SLC9B2: variants seen among roughly 807,000 people sequenced by gnomAD.
The protein encoded by SLC9B2 is sodium/hydrogen exchanger 9B2.
A neutral mutation model predicts 52.2 loss-of-function variants in SLC9B2; 39 were observed. The observed-to-expected ratio is 0.75, with a 90% CI of 0.58 to 0.98. The LOEUF is 0.98. SLC9B2 is among the 50% of genes least tolerant of loss of function. The pLI is 0.00. For missense variants in SLC9B2, 626 were observed against 637.5 expected (o/e 0.98, Z 0.19); for synonymous variants, 214 against 227.0 (o/e 0.94, Z 0.51).
intron 3 of SLC9B2, among the ~76,000 whole-genome samples, chr4:103,062,146 C>A (rs780361150): frequency 6.6e-6 from 1 of 152,174 alleles, no homozygotes; most frequent in African/African-American, 2.4e-5. Flanking sequence ...TTCGGCTGGG[C>A]GCAGTGGCTC....
rs1209286331 is a variant in SLC9B2, at chr4:103,022,445, C to G, written c.*3925G>C. Among the ~76,000 whole-genome samples the G allele has an allele frequency of 6.6e-6, 1 of 152,066 alleles. No homozygotes were observed. The highest frequency in any genetic ancestry group is 1.9e-4 in the East Asian group (1 of 5,196). On this transcript the variant is annotated 3_prime_UTR_variant, in exon 12 of 12. Transcript: ENST00000394785. ...ATATATCTTTCTGAAAATAATACAT[C>G]CCCCAAAACTGCAGTACAATTTTAA... is the stretch of plus-strand genomic sequence containing the variant.
intron 3 of SLC9B2, 87 bp from the exon 4 acceptor site, chr4:103,058,058 T>C: frequency 1.6e-6 from 2 of 1,220,962 alleles, no homozygotes; most frequent in Non-Finnish European, 2.3e-6. Context: ...TAAAAATAAA[T>C]ACTGAATGAA....
intron 8 of SLC9B2, 95 bp downstream of exon 8, chr4:103,044,795 A>C: frequency 2.0e-6 from 2 of 1,002,284 alleles, no homozygotes; most frequent in Non-Finnish European, 3.1e-6. Context: ...ATTTGCTCAA[A>C]CATGTCCTTC....
intron 9 of SLC9B2, among the ~76,000 whole-genome samples, chr4:103,040,511 C>T (rs1322456036): frequency 2.0e-5 from 3 of 152,052 alleles, no homozygotes; most frequent in Non-Finnish European, 2.9e-5. Flanking sequence ...AATGAATTTG[C>T]CTATAAACAA....
intron 9 of SLC9B2, among the ~76,000 whole-genome samples, chr4:103,039,313 C>T (rs962901733): frequency 1.3e-5 from 2 of 152,124 alleles, no homozygotes; most frequent in Non-Finnish European, 2.9e-5. Flanking sequence ...CTTAGTGCTT[C>T]GTACAGGTTA....
rs559062641 is a variant in SLC9B2 at position 103,022,655 on chromosome 4, A to G, written c.*3715T>C. Among the ~76,000 whole-genome samples the G allele has an allele frequency of 8.7e-4, 133 of 152,366 alleles. No individual in the cohort carries two copies. The highest frequency in any genetic ancestry group is 3.0e-3 in the African/African-American group (124 of 41,588). The stretch of plus-strand genomic sequence containing the variant: ...GGAAATTTTGAGGACATCAAGATCA[A>G]TCAAGGTGATTGGGAGTTAATACCA... On this transcript the variant is annotated 3_prime_UTR_variant, in exon 12 of 12. Coordinates refer to ENST00000394785, the MANE Select transcript of SLC9B2 (RefSeq NM_178833.7).
At chr4:103,041,279 G>T (rs1743617750) in intron 9 of SLC9B2, among the ~76,000 whole-genome samples, 1 of 151,940 alleles carries the variant, frequency 6.6e-6, no homozygotes, top group Non-Finnish European at 1.5e-5. Flanking sequence ...TAGATAAAGA[G>T]ATTCACATAG....
In SLC9B2 at chr4:103,023,876, T is replaced by C. The variant is rs1016742127; in HGVS notation, c.*2494A>G. Among the ~76,000 whole-genome samples the C allele has an allele frequency of 1.3e-5, 2 of 152,198 alleles. No homozygotes were observed. Among genetic ancestry groups the C allele is most frequent in the Non-Finnish European group, 2.9e-5 (2 of 68,026 alleles). ...TGATTTAGTTATACTAACTGTATTA[T>C]GTATAAGTTAATAAATATTCCAAGC... On this transcript the variant is annotated 3_prime_UTR_variant, in exon 12 of 12. Coordinates refer to ENST00000394785, the MANE Select transcript of SLC9B2 (RefSeq NM_178833.7).
intron 5 of SLC9B2, 89 bp from the exon 6 acceptor site, chr4:103,049,109 C>G: frequency 6.9e-7 from 1 of 1,451,712 alleles, no homozygotes; most frequent in Non-Finnish European, 9.3e-7. Context: ...GTATATGGAC[C>G]ACGTCTGGGT....
chr4:103,048,858 T>C (rs1434821024), intron 6 of SLC9B2, 35 bp downstream of exon 6: 3 of 1,609,332 alleles, frequency 1.9e-6, no homozygotes, highest in Non-Finnish European at 1.7e-6. Context: ...TAAATGTCCC[T>C]ACATATTTTC....
chr4:103,044,875 T>C lies in SLC9B2; in HGVS notation c.996+15A>G. The C allele has an allele frequency of 6.3e-7, 1 of 1,585,768 alleles. No homozygotes were observed. Among genetic ancestry groups the C allele is most frequent in the Non-Finnish European group, 8.7e-7 (1 of 1,154,464 alleles). On this transcript the variant is annotated intron_variant, in intron 8 of 11. Transcript: ENST00000394785. ...TATTTCAGAGCACAACTTTCCCACA[T>C]ATTATTTCTTTCACCTGGTCACGGC...
At chr4:103,067,420 G>A in intron 2 of SLC9B2, 41 bp downstream of exon 2, 1 of 1,548,310 alleles carries the variant, frequency 6.5e-7, no homozygotes, top group East Asian at 2.2e-5. Context: ...ATGAGTGGTA[G>A]AATATGAAGA....
intron 6 of SLC9B2, 130 bp downstream of exon 6, chr4:103,048,763 T>C: frequency 1.8e-6 from 2 of 1,128,306 alleles, no homozygotes; most frequent in Non-Finnish European, 2.4e-6. Context: ...ATATTTAAAT[T>C]ATGCTGTAAC....
intron 3 of SLC9B2, among the ~76,000 whole-genome samples, chr4:103,061,011 G>A (rs1745592944): frequency 6.6e-6 from 1 of 152,162 alleles, no homozygotes. Flanking sequence ...ATGGGTGAAG[G>A]AGAATGCTTT....
At chr4:103,071,362 C>T (rs1390787334) in intron 1 of SLC9B2, among the ~76,000 whole-genome samples, 1 of 150,562 alleles carries the variant, frequency 6.6e-6, no homozygotes, top group African/African-American at 2.5e-5. Flanking sequence ...CACCACCACG[C>T]CTGGCTAATT....
chr4:103,020,817 G>A (rs1741735928), downstream of SLC9B2, among the ~76,000 whole-genome samples: 1 of 152,052 alleles, frequency 6.6e-6, no homozygotes. Context: ...TTTTAGTAGA[G>A]AGGAGTTTCA....
downstream of SLC9B2, among the ~76,000 whole-genome samples, chr4:103,020,623 G>A (rs1741718593): frequency 6.6e-6 from 1 of 151,986 alleles, no homozygotes; most frequent in Non-Finnish European, 1.5e-5. Flanking sequence ...ACTTAAATAC[G>A]AAATTATCTT....
chr4:103,052,167 G>A (rs925625804), intron 4 of SLC9B2, among the ~76,000 whole-genome samples: 1 of 152,234 alleles, frequency 6.6e-6, no homozygotes, highest in African/African-American at 2.4e-5. Context: ...CAGGGGGAAT[G>A]GTTTCAGGAT....
intron 9 of SLC9B2, among the ~76,000 whole-genome samples, chr4:103,032,924 G>A (rs1481570353): frequency 6.6e-6 from 1 of 152,162 alleles, no homozygotes; most frequent in Non-Finnish European, 1.5e-5. Flanking sequence ...TTAAGGGGAT[G>A]ATCTATTATA....
Sources: gnomAD v4.1 joint callset for allele counts (sites outside exome capture counted in the v4.1 genomes callset) on GRCh38, gnomAD v4.1.1 for gene constraint, MANE v1.5 for transcripts, NCBI Gene and HGNC (gene_info 2026-07-23, HGNC 2026-07-21) for gene names.